ALX3: variants seen among roughly 807,000 people sequenced by gnomAD.
The protein encoded by ALX3 is homeobox protein aristaless-like 3.
Under a neutral mutation model 26.3 loss-of-function variants are expected in ALX3, and 17 were observed. The observed-to-expected ratio is 0.65, with a 90% confidence interval of 0.44 to 0.97. ALX3 has a LOEUF of 0.97. Ranked by LOEUF, ALX3 falls within the 50% of genes least tolerant of loss-of-function variation. ALX3 has a pLI of 0.00. For missense variants in ALX3, 461 were observed against 466.5 expected, an observed-to-expected ratio of 0.99 and a Z score of 0.11; for synonymous variants, 208 against 201.4, an observed-to-expected ratio of 1.03 and a Z score of -0.28.
At chr1:110,069,212 T>C (rs576797697) in intron 1 of ALX3, among the ~76,000 whole-genome samples, 2 of 152,322 alleles carry the variant, frequency 1.3e-5, no homozygotes, top group South Asian at 4.1e-4. Context: ...GTTCATTTCC[T>C]CCGTTGACCC....
chr1:110,065,168 G>A (rs1377132122), intron 1 of ALX3, among the ~76,000 whole-genome samples: 1 of 151,826 alleles, frequency 6.6e-6, no homozygotes, highest in African/African-American at 2.4e-5. Flanking sequence ...TTCATTTCGG[G>A]GAAGTGCTCT....
Position 110,064,847 on chromosome 1 carries a change from C to T in ALX3, c.334G>A (p.Gly112Arg). The T allele has an allele frequency of 6.2e-7, 1 of 1,613,200 alleles. No homozygotes were observed. Among genetic ancestry groups the T allele is most frequent in the Non-Finnish European group, 8.5e-7 (1 of 1,179,722 alleles). Residue 112 changes from glycine to arginine, a missense_variant, in exon 2 of 4, where the codon GGG becomes AGG. By Grantham distance (125) the Gly-to-Arg change is moderately radical. Around this residue, in one of 3 missense-constraint regions of ALX3, gnomAD observed 241 missense variants for 206.1 expected, o/e 1.17. Coordinates refer to ENST00000647563, the MANE Select transcript of ALX3 (RefSeq NM_006492.3). ...SFPQLPLDCR[G>R]GPRDGPSNLQ... ...TTAGAGGGCCCGTCTCTGGGGCCCC[C>T]TCGGCAGTCCAAGGGCAGCTGGGGG...
chr1:110,066,760 C>A (rs1279250144), intron 1 of ALX3, among the ~76,000 whole-genome samples: 1 of 152,138 alleles, frequency 6.6e-6, no homozygotes, highest in Non-Finnish European at 1.5e-5. Flanking sequence ...GTACTGACAT[C>A]CTGGCAGAGG....
chr1:110,061,488 A>G lies in ALX3; in HGVS notation c.670T>C (p.Phe224Leu). The G allele has an allele frequency of 6.2e-7, 1 of 1,614,144 alleles. No individual in the cohort carries two copies. Among genetic ancestry groups the G allele is most frequent in the Non-Finnish European group, 8.5e-7 (1 of 1,180,020 alleles). ...YGKIQEGRNPFTAAYDISVLP... is the reference protein window; with the variant it reads ...YGKIQEGRNPLTAAYDISVLP... ...ACAGAGATGTCATAGGCAGCCGTGA[A>G]GGGGTTCCGCCCCTCCTGGATCTTC... The change falls in exon 3 of 4, where the codon TTC becomes CTC. Residue 224 changes from phenylalanine to leucine, a missense_variant. By Grantham distance (22) the Phe-to-Leu change is conservative. Around this residue, in one of 3 missense-constraint regions of ALX3, gnomAD observed 169 missense variants for 178.0 expected, o/e 0.95. Coordinates refer to ENST00000647563, the MANE Select transcript of ALX3 (RefSeq NM_006492.3).
chr1:110,067,430 C>T (rs1415435169), intron 1 of ALX3, among the ~76,000 whole-genome samples: 1 of 152,194 alleles, frequency 6.6e-6, no homozygotes, highest in Non-Finnish European at 1.5e-5. Context: ...ACAGCAGCAG[C>T]TGTTGGGCGT....
At chr1:110,066,737 C>G (rs1653801779) in intron 1 of ALX3, among the ~76,000 whole-genome samples, 1 of 152,098 alleles carries the variant, frequency 6.6e-6, no homozygotes, top group Non-Finnish European at 1.5e-5. Flanking sequence ...AGGGTCAGGG[C>G]TGGGGTTCAA....
Position 110,070,554 on chromosome 1 carries a change from G to T in ALX3, c.59C>A (p.Ala20Asp). ...CGGGCCCGGAGGCTCGTCCCCCGAG[G>T]CCACATAGGGGCCGGGTGCAGGCCC... The part of the protein sequence containing the change: ...RVGPAPGPYV[A>D]SGDEPPGPQG... Residue 20 changes from alanine (A) to aspartate (D), a missense_variant, in exon 1 of 4, where the codon GCC becomes GAC. Transcript: ENST00000647563. The T allele has an allele frequency of 7.6e-7, 1 of 1,308,914 alleles. No individual in the cohort carries two copies. The highest frequency in any genetic ancestry group is 9.7e-7 in the Non-Finnish European group (1 of 1,026,564). The allele number at this position is 1,308,914 out of a possible 1,614,324, so 81.1% of individuals were successfully genotyped here.
Position 110,060,977 on chromosome 1 carries a change from G to T in ALX3, c.788C>A (p.Pro263Gln). 2 of 1,612,724 alleles carry T rather than the reference G, an allele frequency of 1.2e-6. No homozygotes were observed. The highest frequency in any genetic ancestry group is 1.7e-6 in the Non-Finnish European group (2 of 1,179,662). The change falls in exon 4 of 4, where the codon CCA becomes CAA. Residue 263 changes from proline to glutamine, a missense_variant. Physicochemically the swap from Pro to Gln is moderately conservative, Grantham distance 76. Transcript: ENST00000647563. ...GSPGGPCLVS[P>Q]EGIPSPCMSP... ...CATGCATGGGGAGGGGATGCCCTCT[G>T]GAGACACAAGGCAGGGGCCTCCAGG... is the stretch of plus-strand genomic sequence containing the variant.
Position 110,060,015 on chromosome 1 carries a change from A to T in ALX3, c.*718T>A, listed in dbSNP as rs1653589984. 6.7e-6 allele frequency: 1 copy of T among 149,456 alleles called. No individual in the cohort carries two copies. Among genetic ancestry groups the T allele is most frequent in the Admixed American group, 6.7e-5 (1 of 14,916 alleles). 9.3% of individuals were successfully genotyped at this position (149,456 alleles called of 1,614,324 possible). On this transcript the variant is annotated 3_prime_UTR_variant, in exon 4 of 4. Transcript: ENST00000647563. ...ATCTCAGTCTGTAGAAATCTGTTTT[A>T]TTCTTACCAACATCCAATATCATTT...
chr1:110,061,620 C>G, intron 2 of ALX3, 57 bp from the exon 3 acceptor site: 6 of 1,608,912 alleles, frequency 3.7e-6, no homozygotes, highest in African/African-American at 1.3e-5. Context: ...AGGAAAGGAG[C>G]CTGCTAGGGA....
Position 110,063,494 on chromosome 1 carries a change from C to G in ALX3, c.594+1093G>C, listed in dbSNP as rs143798761. On this transcript the variant is annotated intron_variant, in intron 2 of 3. Transcript: ENST00000647563. The stretch of plus-strand genomic sequence containing the variant: ...TTCTCTGTTAGATGACAGCTGGCCT[C>G]TTTATAGACTGGCCTGTCAGTCCCC... Among the ~76,000 whole-genome samples, 164 of 152,234 alleles carry G rather than the reference C, an allele frequency of 1.1e-3. 1 individual carries two copies. Among genetic ancestry groups the G allele is most frequent in the African/African-American group, 3.8e-3 (157 of 41,540 alleles).
rs78415858 is a variant in ALX3, at chr1:110,061,809, C to T, written c.595-246G>A. On this transcript the variant is annotated intron_variant, in intron 2 of 3. Transcript: ENST00000647563. ...CCAGCTGTCACTCCCCAGGTTGAAT[C>T]ACTGTGGTCCTCCAGCCTGGCTGTG... 2.9e-4 allele frequency: 169 copies of T among 573,706 alleles called. No homozygotes were observed. The East Asian group carries it at 5.2e-3, about 18-fold the overall frequency. The allele number at this position is 573,706 out of a possible 1,614,324, so 35.5% of individuals were successfully genotyped here.
chr1:110,067,616 T>C (rs1047016372), intron 1 of ALX3, among the ~76,000 whole-genome samples: 5 of 152,190 alleles, frequency 3.3e-5, no homozygotes, highest in Non-Finnish European at 7.4e-5. Context: ...AGTGCTCCAC[T>C]GTCCCCACAG....
At chr1:110,069,307 C>T (rs1653864273) in intron 1 of ALX3, among the ~76,000 whole-genome samples, 1 of 152,276 alleles carries the variant, frequency 6.6e-6, no homozygotes, top group Non-Finnish European at 1.5e-5. Context: ...CCGTGGAGGC[C>T]CGCGAGGCGC....
At chr1:110,065,669 C>G (rs1570938626) in intron 1 of ALX3, among the ~76,000 whole-genome samples, 1 of 152,170 alleles carries the variant, frequency 6.6e-6, no homozygotes, top group Admixed American at 6.5e-5. Context: ...GCCCCTGTCC[C>G]CATCATTCCC....
At position 110,060,640 on chromosome 1, in the gene ALX3, G is replaced by A; in HGVS notation, c.*93C>T. The stretch of plus-strand genomic sequence containing the variant: ...GTGCCAGCTGCTCTCGCAGCCTCCA[G>A]AACCATCTGGGGCTTGGAGGCAGAG... On this transcript the variant is annotated 3_prime_UTR_variant, in exon 4 of 4. Coordinates refer to ENST00000647563, the MANE Select transcript of ALX3 (RefSeq NM_006492.3). The A allele has an allele frequency of 7.2e-7, 1 of 1,398,506 alleles. No individual in the cohort carries two copies. The highest frequency in any genetic ancestry group is 9.7e-7 in the Non-Finnish European group (1 of 1,027,188). The allele number at this position is 1,398,506 out of a possible 1,614,324, so 86.6% of individuals were successfully genotyped here.
At position 110,070,392 on chromosome 1, in the gene ALX3, T is replaced by G; in HGVS notation, c.221A>C (p.Asp74Ala). Residue 74 changes from aspartate to alanine, a missense_variant, in exon 1 of 4, where the codon GAC (aspartate) becomes GCC (alanine). By Grantham distance (126) the Asp-to-Ala change is moderately radical. Transcript: ENST00000647563. ...PAKPPAKYLQ[D>A]LGPGPALNGG... ...GTTGAGGGCCGGGCCGGGCCCGAGG[T>G]CCTGCAGGTACTTGGCGGGCGGCTT... 7.8e-7 allele frequency: 1 copy of G among 1,283,762 alleles called. No homozygotes were observed. The highest frequency in any genetic ancestry group is 2.9e-5 in the East Asian group (1 of 34,940). The allele number at this position is 1,283,762 out of a possible 1,614,324, so 79.5% of individuals were successfully genotyped here. A position where few individuals can be genotyped will look rare whatever the true frequency, so the allele number is the denominator to read the frequency against.
In ALX3 at chr1:110,060,505, C is replaced by T; in HGVS notation, c.*228G>A. 2 of 387,512 alleles carry T rather than the reference C, an allele frequency of 5.2e-6. No individual in the cohort carries two copies. Among genetic ancestry groups the T allele is most frequent in the Non-Finnish European group, 9.2e-6 (2 of 217,230 alleles). The allele number at this position is 387,512 out of a possible 1,614,324, so 24.0% of individuals were successfully genotyped here. A position where few individuals can be genotyped will look rare whatever the true frequency, so the allele number is the denominator to read the frequency against. The stretch of plus-strand genomic sequence containing the variant: ...AGCCCAGAGTTCAGGTGAGGGGACT[C>T]AGTTTGTGGTAGGAAGAGTCCTGGC... On this transcript the variant is annotated 3_prime_UTR_variant, in exon 4 of 4. Transcript: ENST00000647563.
intron 1 of ALX3, among the ~76,000 whole-genome samples, chr1:110,066,578 C>G (rs1329812631): frequency 8.0e-5 from 10 of 124,906 alleles, no homozygotes; most frequent in Non-Finnish European, 7.1e-5. Flanking sequence ...GACATCCCCC[C>G]CCCCCGCCCC....
Sources: gnomAD v4.1 joint callset for allele counts (sites outside exome capture counted in the v4.1 genomes callset) on GRCh38, gnomAD v4.1.1 for gene constraint, gnomAD v4.1.1 regional missense constraint, MANE v1.5 for transcripts, NCBI Gene and HGNC (gene_info 2026-07-23, HGNC 2026-07-21) for gene names.